Variants in USP34 observed in about 807,000 individuals in gnomAD.
USP34 encodes ubiquitin specific peptidase 34.
A neutral mutation model predicts 460.3 loss-of-function variants in USP34; 70 were observed. That is an observed-to-expected ratio of 0.15 (90% confidence interval 0.13 to 0.19). USP34 has a LOEUF of 0.19. USP34 is among the 10% of genes least tolerant of loss of function. The probability of loss-of-function intolerance (pLI) is 1.00; values close to 1 mark genes in which losing one functional copy is unlikely to be tolerated. For synonymous variants in USP34, 1,647 were observed against 1,405.3 expected (o/e 1.17, Z -3.85); for missense variants, 3,985 against 4,236.2 (o/e 0.94, Z 1.65).
intron 12 of USP34, among the ~76,000 whole-genome samples, 168 bp downstream of exon 12, chr2:61,350,092 A>C (rs1481075207): frequency 6.6e-6 from 1 of 152,220 alleles, no homozygotes; most frequent in Non-Finnish European, 1.5e-5. Context: ...CTTAAAAGGT[A>C]AACCAAAACA....
chr2:61,421,854 A>T (rs1447843728), intron 1 of USP34, among the ~76,000 whole-genome samples: 2 of 152,196 alleles, frequency 1.3e-5, no homozygotes, highest in African/African-American at 2.4e-5. Context: ...TGAGACTTAC[A>T]GCACACTTCC....
intron 27 of USP34, among the ~76,000 whole-genome samples, chr2:61,309,302 C>A (rs192238197): frequency 1.5e-3 from 227 of 152,182 alleles, no homozygotes; most frequent in Non-Finnish European, 2.1e-3. Flanking sequence ...TAGAACACTC[C>A]CTGTACTCCA....
rs149262399 is a variant in USP34, at chr2:61,351,435, A to C, written c.1252-742T>G. ...TTCATGAGGGACAATATTTATGAAG[A>C]TATAAACACTAAATATTATGTCATG... On this transcript the variant is annotated intron_variant, in intron 10 of 79. Transcript: ENST00000398571. Among the ~76,000 whole-genome samples, 53 of 151,960 alleles carry C rather than the reference A, an allele frequency of 3.5e-4. No homozygotes were observed. The East Asian group carries it at 0.01, about 29-fold the overall frequency.
chr2:61,354,479 C>T (rs975865425), intron 10 of USP34, among the ~76,000 whole-genome samples: 3 of 152,142 alleles, frequency 2.0e-5, no homozygotes, highest in African/African-American at 7.2e-5. Context: ...ACACCTGCCC[C>T]ATAAAAATTG....
chr2:61,364,295 T>C (rs552875613), intron 10 of USP34, among the ~76,000 whole-genome samples: 69 of 152,250 alleles, frequency 4.5e-4, no homozygotes, highest in Non-Finnish European at 7.8e-4. Flanking sequence ...CCAGGAGTTT[T>C]GAGGCTGCAG....
At chr2:61,374,157 G>GA (rs2103846563) in intron 8 of USP34, among the ~76,000 whole-genome samples, 1 of 68,174 alleles carries the variant, frequency 1.5e-5, no homozygotes, top group East Asian at 4.4e-4. Context: ...CTCCATCTCA[G>GA]GGAAAAAAAA....
rs775834439 is a variant in USP34, at chr2:61,370,577, G to T, written c.1079C>A (p.Ser360Tyr). Residue 360 changes from serine (S) to tyrosine (Y), a missense_variant and splice_region_variant, in exon 9 of 80, where the codon TCC (serine) becomes TAC (tyrosine). Coordinates refer to ENST00000398571, the MANE Select transcript of USP34 (RefSeq NM_014709.4). ...CCAGTCTGCAAGTTCTTTTGCAATG[G>T]ACCTAAAGTCAAGCAATGAAAATAG... is the stretch of plus-strand genomic sequence containing the variant. ...NESLVSDTET[S>Y]IAKELADWLI... 8.1e-6 allele frequency: 13 copies of T among 1,612,470 alleles called. No homozygotes were observed. The Admixed American group carries it at 1.2e-4, about 15-fold the overall frequency.
At chr2:61,446,656 T>C (rs1253161833) in intron 1 of USP34, among the ~76,000 whole-genome samples, 5 of 151,712 alleles carry the variant, frequency 3.3e-5, no homozygotes, top group Non-Finnish European at 5.9e-5. Flanking sequence ...ATTAGCCAGG[T>C]GTAGTGGTAT....
chr2:61,310,125 T>G (rs911753358), intron 27 of USP34, among the ~76,000 whole-genome samples: 5 of 152,230 alleles, frequency 3.3e-5, no homozygotes, highest in African/African-American at 7.2e-5. Flanking sequence ...CTTCTACTAG[T>G]GTTCTAGTTC....
At chr2:61,335,621 T>C (rs982986566) in intron 18 of USP34, among the ~76,000 whole-genome samples, 14 of 152,258 alleles carry the variant, frequency 9.2e-5, no homozygotes, top group Non-Finnish European at 1.8e-4. Flanking sequence ...TGATGGCACA[T>C]GCCTGTAGTC....
At chr2:61,338,690 T>C (rs1218720790) in intron 18 of USP34, among the ~76,000 whole-genome samples, 1 of 152,114 alleles carries the variant, frequency 6.6e-6, no homozygotes, top group East Asian at 1.9e-4. Context: ...ACTGTATCCA[T>C]GGAAGAACAC....
Position 61,395,239 on chromosome 2 carries a change from T to TAAAA in USP34, c.553-10_553-7dup. 2.6e-6 allele frequency: 3 copies of TAAAA among 1,146,012 alleles called. No individual in the cohort carries two copies. The highest frequency in any genetic ancestry group is 3.4e-5 in the African/African-American group (2 of 59,662). The allele number at this position is 1,146,012 out of a possible 1,614,324, so 71.0% of individuals were successfully genotyped here. Reference sequence around the variant, plus strand: ...CTTTCTTGAGTTGATATATCCTAATTAAAAAAAAAAAAGCAAGTAAAATTA... The same window carrying TAAAA: ...CTTTCTTGAGTTGATATATCCTAATTAAAAAAAAAAAAAAAAGCAAGTAAAATTA... On this transcript the variant is annotated splice_polypyrimidine_tract_variant and splice_region_variant and intron_variant, in intron 3 of 79. Transcript: ENST00000398571.
intron 41 of USP34, among the ~76,000 whole-genome samples, chr2:61,274,056 G>A (rs974466508): frequency 6.6e-6 from 1 of 151,220 alleles, no homozygotes; most frequent in Non-Finnish European, 1.5e-5. Context: ...AGCTGTAAAA[G>A]ATCAATACAC....
At chr2:61,247,291 G>T (rs952458282) in intron 49 of USP34, among the ~76,000 whole-genome samples, 1 of 152,172 alleles carries the variant, frequency 6.6e-6, no homozygotes, top group Non-Finnish European at 1.5e-5. Context: ...GGTACAGTCT[G>T]AACTGGAACA....
At chr2:61,248,205 AAC>A (rs1491293038) in intron 49 of USP34, among the ~76,000 whole-genome samples, 5 of 150,422 alleles carry the variant, frequency 3.3e-5, no homozygotes, top group African/African-American at 1.2e-4. Context: ...AAAAAAAAAA[AAC>A]CCCCACAAAA....
Position 61,190,403 on chromosome 2 carries a change from T to G in USP34, c.9741A>C (p.Gln3247His), listed in dbSNP as rs1686601346. 2 of 1,607,230 alleles carry G rather than the reference T, an allele frequency of 1.2e-6. No individual in the cohort carries two copies. The highest frequency in any genetic ancestry group is 2.7e-5 in the African/African-American group (2 of 74,374). The change falls in exon 78 of 80, where the codon CAA becomes CAC. Residue 3247 changes from glutamine to histidine, a missense_variant. By Grantham distance (24) the Gln-to-His change is conservative (BLOSUM62 0). This residue lies in a region of USP34 where 506 missense variants were observed against 439.0 expected (regional missense o/e 1.15). Transcript: ENST00000398571. ...TGGCACAGTTTGCTTCAGAAAACAC[T>G]TGACTTTGAACCTGAAAAAGAAGAT... ...MTHFLLKVQS[Q>H]VFSEANCANL...
At chr2:61,465,357 T>C (rs927140716) in intron 1 of USP34, among the ~76,000 whole-genome samples, 1 of 152,172 alleles carries the variant, frequency 6.6e-6, no homozygotes, top group African/African-American at 2.4e-5. Flanking sequence ...ACTAGAGGTA[T>C]AACTAATAAT....
chr2:61,394,749 A>C (rs1693464926), intron 5 of USP34, 104 bp downstream of exon 5: 5 of 855,914 alleles, frequency 5.8e-6, no homozygotes, highest in East Asian at 3.2e-5. Flanking sequence ...AAAAAATTAC[A>C]CATGCAAATC....
At chr2:61,297,009 T>C (rs958957403) in intron 29 of USP34, 84 bp from the exon 30 acceptor site, 2 of 1,490,702 alleles carry the variant, frequency 1.3e-6, no homozygotes, top group Non-Finnish European at 1.8e-6. Flanking sequence ...AAAGTAATGA[T>C]CAAATTTGCT....
Sources: allele counts gnomAD v4.1 joint callset (sites outside exome capture counted in the v4.1 genomes callset), GRCh38; gene constraint gnomAD v4.1.1; regional missense constraint gnomAD v4.1.1; transcripts MANE v1.5; gene names NCBI Gene and HGNC (gene_info 2026-07-23, HGNC 2026-07-21).